Variants in FSD1L observed in about 807,000 individuals in gnomAD.
FSD1L encodes the protein fibronectin type III and SPRY domain containing 1 like, also known as FSD1-like protein.
A neutral mutation model predicts 71.6 loss-of-function variants in FSD1L; 45 were observed. The ratio of observed to expected loss-of-function variants is 0.63; its 90% CI spans 0.49 to 0.81. The LOEUF (loss-of-function observed/expected upper bound fraction) is 0.81. FSD1L is among the 30% of genes least tolerant of loss of function. The pLI, the probability that FSD1L is intolerant of heterozygous loss-of-function variation, is 0.00. For missense variants in FSD1L, 561 were observed against 618.1 expected, an observed-to-expected ratio of 0.91 and a Z score of 0.98; for synonymous variants, 197 against 207.2, an observed-to-expected ratio of 0.95 and a Z score of 0.42.
chr9:105,525,003 T>C, intron 10 of FSD1L: 2 of 1,574,910 alleles, frequency 1.3e-6, no homozygotes, highest in Non-Finnish European at 1.7e-6. Flanking sequence ...GGAGGAGGTT[T>C]ATCTGCTGGC....
chr9:105,511,823 C>T (rs929167586), intron 9 of FSD1L, among the ~76,000 whole-genome samples: 2 of 152,090 alleles, frequency 1.3e-5, no homozygotes, highest in African/African-American at 2.4e-5. Flanking sequence ...TCATAGTTCA[C>T]AGACACACTG....
upstream of FSD1L, among the ~76,000 whole-genome samples, chr9:105,443,498 T>C (rs902904161): frequency 2.0e-5 from 3 of 152,086 alleles, no homozygotes; most frequent in Non-Finnish European, 2.9e-5. Flanking sequence ...AGATGAGATT[T>C]GGGTGGGGAT....
At chr9:105,524,130 G>A in intron 10 of FSD1L, 1 of 1,612,232 alleles carries the variant, frequency 6.2e-7, no homozygotes, top group East Asian at 2.2e-5. Context: ...ACGATGTGTA[G>A]CACTTTGTAG....
chr9:105,453,044 G>GTTTTT lies in FSD1L; in HGVS notation c.15+4827_15+4831dup, dbSNP rs774826229. ...GAGCCATCACGTCTGACCTAAAGTT[G>GTTTTT]TTTTTTTTTTTTTTTTTTTTTTGTT... On this transcript the variant is annotated intron_variant, in intron 1 of 13. Transcript: ENST00000481272. Among the ~76,000 whole-genome samples the GTTTTT allele has an allele frequency of 7.1e-3, 627 of 88,172 alleles. 3 individuals carry two copies. Among genetic ancestry groups the GTTTTT allele is most frequent in the African/African-American group, 8.1e-3 (164 of 20,258 alleles). 57.8% of individuals were successfully genotyped at this position (88,172 alleles called of 152,430 possible). A position where few individuals can be genotyped will look rare whatever the true frequency, so the allele number is the denominator to read the frequency against.
chr9:105,456,571 A>G (rs10991660), intron 1 of FSD1L, among the ~76,000 whole-genome samples: 18,853 of 152,242 alleles, frequency 0.12, 1,440 homozygotes, highest in African/African-American at 0.21. Context: ...GATTCATTCC[A>G]TAACAGTGGT....
rs974641 is a variant in FSD1L at position 105,535,335 on chromosome 9, G to A, written c.1378+17G>A. On this transcript the variant is annotated intron_variant, in intron 12 of 13. Transcript: ENST00000481272. Reference sequence around the variant, plus strand: ...TTGATGGGGGTAAGTTTATTTTCTCGTAGGTTATTTCATCATAGTTGCTTG... The same window carrying A: ...TTGATGGGGGTAAGTTTATTTTCTCATAGGTTATTTCATCATAGTTGCTTG... 2.1e-4 allele frequency: 329 copies of A among 1,550,298 alleles called. 1 individual carries two copies. The highest frequency in any genetic ancestry group is 2.6e-4 in the Non-Finnish European group (298 of 1,146,426).
chr9:105,490,840 G>T (rs1588997795), intron 7 of FSD1L, among the ~76,000 whole-genome samples: 1 of 126,966 alleles, frequency 7.9e-6, no homozygotes, highest in Non-Finnish European at 1.6e-5. Context: ...ATTTCTGAGG[G>T]CTCTGTTCTG....
intron 9 of FSD1L, among the ~76,000 whole-genome samples, chr9:105,508,980 T>C (rs1309021059): frequency 3.9e-5 from 6 of 152,198 alleles, no homozygotes; most frequent in African/African-American, 1.2e-4. Context: ...ATTTATAAAT[T>C]TCAATCTTGT....
chr9:105,526,400 C>A lies in FSD1L; in HGVS notation c.1026-8093C>A, dbSNP rs909410806. On this transcript the variant is annotated intron_variant, in intron 10 of 13. Coordinates refer to ENST00000481272, the MANE Select transcript of FSD1L (RefSeq NM_001145313.3). The stretch of plus-strand genomic sequence containing the variant: ...ATCTGAAGGCTCCTACCCAGAGATT[C>A]TACCCAGTGAAACTCCCACAGCAGC... The A allele has an allele frequency of 4.3e-6, 7 of 1,613,288 alleles. No homozygotes were observed. In the African/African-American group the frequency reaches 9.3e-5, roughly 22 times the overall value.
chr9:105,446,137 C>T (rs949227542), upstream of FSD1L, among the ~76,000 whole-genome samples: 4 of 151,986 alleles, frequency 2.6e-5, no homozygotes, highest in South Asian at 8.3e-4. Flanking sequence ...TCAGGGGGAT[C>T]CATGTGGAGA....
chr9:105,515,818 C>T (rs1044790001), intron 10 of FSD1L, among the ~76,000 whole-genome samples: 1 of 150,374 alleles, frequency 6.7e-6, no homozygotes, highest in African/African-American at 2.5e-5. Context: ...ACTCCAGTGG[C>T]GCCTGGAACA....
upstream of FSD1L, among the ~76,000 whole-genome samples, chr9:105,443,780 C>T (rs1450515884): frequency 2.0e-5 from 3 of 152,122 alleles, no homozygotes; most frequent in Admixed American, 6.5e-5. Flanking sequence ...AAAAAAAAAT[C>T]AGAATTAGGT....
rs533421159 is a variant in FSD1L, at chr9:105,507,312, T to C, written c.796+704T>C. Among the ~76,000 whole-genome samples, 10 of 152,340 alleles carry C rather than the reference T, an allele frequency of 6.6e-5. 1 individual carries two copies. In the South Asian group the frequency reaches 1.0e-3, roughly 16 times the overall value. ...GAATGTCTCAGTATATAGTGGACTT[T>C]GGATATTTGAAATGGCAAAATATTG... is the stretch of plus-strand genomic sequence containing the variant. On this transcript the variant is annotated intron_variant, in intron 8 of 13. Coordinates refer to ENST00000481272, the MANE Select transcript of FSD1L (RefSeq NM_001145313.3).
At chr9:105,491,914 A>T (rs1354116898) in intron 7 of FSD1L, among the ~76,000 whole-genome samples, 1 of 152,164 alleles carries the variant, frequency 6.6e-6, no homozygotes, top group Admixed American at 6.5e-5. Context: ...TATCTTATTG[A>T]GGATTTTTGC....
intron 10 of FSD1L, among the ~76,000 whole-genome samples, chr9:105,519,929 G>C (rs930700303): frequency 6.6e-6 from 1 of 152,252 alleles, no homozygotes; most frequent in East Asian, 1.9e-4. Flanking sequence ...GGCCGAAGGT[G>C]CCTTGGAGCC....
chr9:105,531,234 G>A (rs187824494), intron 10 of FSD1L, among the ~76,000 whole-genome samples: 28 of 152,220 alleles, frequency 1.8e-4, no homozygotes, highest in Middle Eastern at 3.4e-3. Context: ...CTGGTAATTT[G>A]CATTTTTAAA....
Position 105,461,535 on chromosome 9 carries a change from A to G in FSD1L, c.31A>G (p.Asn11Asp). ...TATTGGACAGTACTGCTTTAAGGAG[A>G]ATGAAAACGTTACAGTTGATAAAGC... MDSQKYCFKE[N>D]ENVTVDKACF... The change falls in exon 2 of 14, where the codon AAT (asparagine) becomes GAT (aspartate). Residue 11 changes from asparagine (N) to aspartate (D), a missense_variant. Asn to Asp is a conservative substitution (Grantham distance 23, BLOSUM62 1). Coordinates refer to ENST00000481272, the MANE Select transcript of FSD1L (RefSeq NM_001145313.3). 1 of 1,550,030 alleles carries G rather than the reference A, an allele frequency of 6.5e-7. No individual in the cohort carries two copies. The highest frequency in any genetic ancestry group is 8.7e-7 in the Non-Finnish European group (1 of 1,145,528).
intron 7 of FSD1L, among the ~76,000 whole-genome samples, chr9:105,503,924 T>C (rs1455698049): frequency 6.6e-6 from 1 of 152,250 alleles, no homozygotes; most frequent in Non-Finnish European, 1.5e-5. Context: ...CACTTGACTT[T>C]CTTTTGGGGA....
At chr9:105,541,682 C>T (rs963612342) in intron 13 of FSD1L, among the ~76,000 whole-genome samples, 1 of 151,966 alleles carries the variant, frequency 6.6e-6, no homozygotes, top group Admixed American at 6.5e-5. Context: ...TAGTATGGTG[C>T]AGTTCTGTGG....
Sources: allele counts gnomAD v4.1 joint callset (sites outside exome capture counted in the v4.1 genomes callset), GRCh38; gene constraint gnomAD v4.1.1; transcripts MANE v1.5; gene names NCBI Gene and HGNC (gene_info 2026-07-23, HGNC 2026-07-21).